The following GLIS3 variants were observed in gnomAD, a reference collection of about 807,000 sequenced individuals.
The protein encoded by GLIS3 is zinc finger protein GLIS3.
A neutral mutation model predicts 78.6 loss-of-function variants in GLIS3; 53 were observed. That is an observed-to-expected ratio of 0.67 (90% CI 0.54 to 0.85). The LOEUF (loss-of-function observed/expected upper bound fraction) is 0.85, where lower values mean the gene tolerates loss of function less well. Ranked by LOEUF, GLIS3 falls within the 40% of genes least tolerant of loss-of-function variation. The pLI, the probability that GLIS3 is intolerant of heterozygous loss-of-function variation, is 0.00. For synonymous variants in GLIS3, 684 were observed against 509.9 expected (o/e 1.34, Z -4.60); for missense variants, 1,703 against 1,231.1 (o/e 1.38, Z -5.74).
the GLIS3 span, among the ~76,000 whole-genome samples, chr9:4,413,071 T>C: frequency 1.3e-5 from 2 of 152,202 alleles, no homozygotes; most frequent in Admixed American, 1.3e-4. Context: ...AGCACTACCC[T>C]AACAAATACA....
At chr9:4,350,544 T>A (rs1313537964), upstream of GLIS3, among the ~76,000 whole-genome samples, 1 of 152,194 alleles carries the variant, frequency 6.6e-6, no homozygotes, top group African/African-American at 2.4e-5. Flanking sequence ...TTTAAAAATA[T>A]TTTTATTTTA....
At chr9:4,055,367 T>C (rs1290927257) in intron 4 of GLIS3, among the ~76,000 whole-genome samples, 1 of 152,224 alleles carries the variant, frequency 6.6e-6, no homozygotes, top group East Asian at 1.9e-4. Flanking sequence ...TTCCTGATCC[T>C]ATTTTTCTAT....
intron 2 of GLIS3, among the ~76,000 whole-genome samples, chr9:4,207,712 G>A (rs1820005101): frequency 6.6e-6 from 1 of 152,132 alleles, no homozygotes; most frequent in Non-Finnish European, 1.5e-5. Flanking sequence ...AGGATATACT[G>A]GTTGCCCAAA....
Position 4,013,338 on chromosome 9 carries a change from T to A in GLIS3, c.1711-76149A>T, listed in dbSNP as rs116058979. On this transcript the variant is annotated intron_variant, in intron 4 of 10. Transcript: ENST00000381971. ...CAAACTCTCTGTCTTCCTTGTATATTTTCTTTTTTAAAGGTTTGTTGTGAC... is the reference window on the plus strand; with the variant it reads ...CAAACTCTCTGTCTTCCTTGTATATATTCTTTTTTAAAGGTTTGTTGTGAC... Among the ~76,000 whole-genome samples the A allele has an allele frequency of 4.0e-3, 615 of 152,310 alleles. 6 individuals are homozygous for A. Among genetic ancestry groups the A allele is most frequent in the African/African-American group, 0.014 (598 of 41,554 alleles).
intron 2 of GLIS3, among the ~76,000 whole-genome samples, chr9:4,163,231 C>T (rs1280075626): frequency 5.5e-5 from 8 of 146,420 alleles, no homozygotes; most frequent in African/African-American, 1.8e-4. Flanking sequence ...AGCATGTGCA[C>T]GCATGTGCAC....
intron 2 of GLIS3, chr9:4,145,161 T>C (rs920077202): frequency 5.3e-5 from 8 of 152,222 alleles, no homozygotes; most frequent in African/African-American, 1.9e-4. Context: ...CAACTGCTCA[T>C]AGACCAAACA....
intron 9 of GLIS3, among the ~76,000 whole-genome samples, chr9:3,840,256 C>T (rs1182197364): frequency 2.0e-5 from 3 of 152,230 alleles, no homozygotes; most frequent in Admixed American, 1.3e-4. Flanking sequence ...ATTTTTATTA[C>T]ACAACCTACT....
chr9:4,111,666 T>C (rs748854663), intron 4 of GLIS3, among the ~76,000 whole-genome samples: 1 of 152,276 alleles, frequency 6.6e-6, no homozygotes, highest in Non-Finnish European at 1.5e-5. Context: ...GTCTACACTA[T>C]GTTGAACATG....
intron 4 of GLIS3, among the ~76,000 whole-genome samples, chr9:4,073,994 G>A (rs75067455): frequency 0.022 from 3,374 of 152,224 alleles, 57 homozygotes; most frequent in Middle Eastern, 0.027. Flanking sequence ...GAGAGCCAAG[G>A]TGCAAGTTTG....
intron 2 of GLIS3, among the ~76,000 whole-genome samples, chr9:4,216,858 G>A (rs535422059): frequency 5.3e-5 from 8 of 152,268 alleles, no homozygotes; most frequent in East Asian, 1.9e-4. Flanking sequence ...AATGTCACGT[G>A]CATTATGTTA....
intron 4 of GLIS3, among the ~76,000 whole-genome samples, chr9:4,043,228 G>A (rs577769767): frequency 2.0e-5 from 3 of 152,084 alleles, no homozygotes; most frequent in South Asian, 4.2e-4. Context: ...GAGACTTTAC[G>A]TCTTTGGCAA....
intron 2 of GLIS3, among the ~76,000 whole-genome samples, chr9:4,318,810 A>G (rs1193584814): frequency 6.6e-6 from 1 of 152,206 alleles, no homozygotes; most frequent in African/African-American, 2.4e-5. Context: ...TTGTTGGTGA[A>G]CAGGATATTT....
chr9:4,156,500 G>C (rs1003840330), intron 2 of GLIS3, among the ~76,000 whole-genome samples: 1 of 152,184 alleles, frequency 6.6e-6, no homozygotes, highest in Non-Finnish European at 1.5e-5. Flanking sequence ...TGGAAACAAA[G>C]GTGGGATCAT....
intron 2 of GLIS3, among the ~76,000 whole-genome samples, chr9:4,341,527 C>G (rs1817834462): frequency 6.6e-6 from 1 of 152,218 alleles, no homozygotes; most frequent in Non-Finnish European, 1.5e-5. Context: ...CCACTCTCCT[C>G]CATGACTTAT....
chr9:4,315,803 C>T (rs758390000), intron 2 of GLIS3, among the ~76,000 whole-genome samples: 4 of 152,044 alleles, frequency 2.6e-5, no homozygotes, highest in Non-Finnish European at 5.9e-5. Context: ...AGGTGGCGCC[C>T]GTTCCCCAGC....
intron 9 of GLIS3, among the ~76,000 whole-genome samples, chr9:3,838,874 CCTT>C (rs1303019906): frequency 3.9e-5 from 6 of 152,128 alleles, no homozygotes; most frequent in African/African-American, 1.4e-4. Flanking sequence ...CCTTGGAAAA[CCTT>C]CTGTAATCCA....
intron 2 of GLIS3, among the ~76,000 whole-genome samples, chr9:4,128,730 T>C (rs554331685): frequency 2.0e-5 from 3 of 152,356 alleles, no homozygotes; most frequent in Admixed American, 6.5e-5. Flanking sequence ...GCCAGAATTT[T>C]ACACTGGTCA....
chr9:4,054,440 G>C (rs1371231002), intron 4 of GLIS3: 4 of 985,410 alleles, frequency 4.1e-6, no homozygotes, highest in Non-Finnish European at 4.8e-6. Flanking sequence ...TTTGGCGAGA[G>C]TCACAGGAGG....
At chr9:4,056,995 G>A (rs914325272) in intron 4 of GLIS3, among the ~76,000 whole-genome samples, 2 of 144,004 alleles carry the variant, frequency 1.4e-5, no homozygotes, top group Non-Finnish European at 3.0e-5. Context: ...GTGCCCCCTA[G>A]AATTATCTAG....
Sources: gnomAD v4.1 joint callset for allele counts (sites outside exome capture counted in the v4.1 genomes callset) on GRCh38, gnomAD v4.1.1 for gene constraint, MANE v1.5 for transcripts, NCBI Gene and HGNC (gene_info 2026-07-23, HGNC 2026-07-21) for gene names.